Variants in NDUFAF7 observed in about 807,000 individuals in gnomAD.
The protein encoded by NDUFAF7 is NADH:ubiquinone oxidoreductase complex assembly factor 7, also known as protein arginine methyltransferase NDUFAF7, mitochondrial.
Under a neutral mutation model 47.2 loss-of-function variants are expected in NDUFAF7, and 48 were observed. The ratio of observed to expected loss-of-function variants is 1.02; its 90% CI spans 0.81 to 1.29. The LOEUF is 1.29. Ranked by LOEUF, NDUFAF7 falls within the 50% of genes most tolerant of loss-of-function variation. The pLI, the probability that NDUFAF7 is intolerant of heterozygous loss-of-function variation, is 0.00. For synonymous variants in NDUFAF7, 217 were observed against 190.0 expected (o/e 1.14, Z -1.17); for missense variants, 635 against 537.6 (o/e 1.18, Z -1.79).
At chr2:37,246,931 T>A (rs777876047) in intron 8 of NDUFAF7, among the ~76,000 whole-genome samples, 2 of 152,078 alleles carry the variant, frequency 1.3e-5, no homozygotes, top group Admixed American at 6.6e-5. Flanking sequence ...GAGGCAGGTT[T>A]GTTATTTGTT....
downstream of NDUFAF7, among the ~76,000 whole-genome samples, chr2:37,249,851 G>A (rs376531851): frequency 3.3e-5 from 5 of 152,136 alleles, no homozygotes; most frequent in East Asian, 7.8e-4. Context: ...TTCCCTTGAT[G>A]TCTTGAATTT....
intron 2 of NDUFAF7, among the ~76,000 whole-genome samples, chr2:37,234,214 C>T (rs529017743): frequency 6.6e-5 from 10 of 152,168 alleles, no homozygotes; most frequent in South Asian, 4.1e-4. Context: ...CTCAGCCTCC[C>T]GAGTAGTTGG....
chr2:37,237,677 T>A (rs1357584668), intron 3 of NDUFAF7, 80 bp from the exon 4 acceptor site: 26 of 1,135,428 alleles, frequency 2.3e-5, no homozygotes, highest in Non-Finnish European at 3.0e-5. Context: ...ATAGTGCATA[T>A]TTATGTGAAA....
chr2:37,261,143 A>G, the NDUFAF7 span, among the ~76,000 whole-genome samples: 1 of 152,208 alleles, frequency 6.6e-6, no homozygotes, highest in Non-Finnish European at 1.5e-5. Flanking sequence ...TTAATCTTAA[A>G]TATGTTCTAC....
chr2:37,267,294 A>G, the NDUFAF7 span: 13 of 531,498 alleles, frequency 2.4e-5, no homozygotes, highest in African/African-American at 2.4e-4. Context: ...ATAAAGCAAG[A>G]TATTGGCAGT....
At chr2:37,245,927 AC>A in intron 7 of NDUFAF7, 124 bp from the exon 8 acceptor site, 1 of 1,070,432 alleles carries the variant, frequency 9.3e-7, no homozygotes, top group Non-Finnish European at 1.4e-6. Context: ...TAGAGAACAT[AC>A]TCATATTAAG....
Position 37,237,744 on chromosome 2 carries a change from T to TC in NDUFAF7, c.298-10dup, listed in dbSNP as rs772359925. 19 of 1,519,758 alleles carry TC rather than the reference T, an allele frequency of 1.3e-5. No individual in the cohort carries two copies. Among genetic ancestry groups the TC allele is most frequent in the Admixed American group, 1.7e-5 (1 of 59,822 alleles). The allele number at this position is 1,519,758 out of a possible 1,614,324, so 94.1% of individuals were successfully genotyped here. On this transcript the variant is annotated splice_polypyrimidine_tract_variant and intron_variant, in intron 3 of 9. Transcript: ENST00000002125. ...AATACTTTAATATGTGTTTTTTTTT[T>TC]CCCTTTTCACAGCTACTAGGTATAT... is the stretch of plus-strand genomic sequence containing the variant.
At chr2:37,263,676 CTTTT>C in the NDUFAF7 span, among the ~76,000 whole-genome samples, 2 of 152,170 alleles carry the variant, frequency 1.3e-5, no homozygotes, top group South Asian at 2.1e-4. Context: ...CCTCAAATGG[CTTTT>C]TGTTTGGAGA....
chr2:37,253,404 C>G (rs533306878), downstream of NDUFAF7: 99 of 1,485,642 alleles, frequency 6.7e-5, 1 homozygote, highest in African/African-American at 1.1e-3. Flanking sequence ...ATACTGTCAA[C>G]CTGGTTTTTG....
chr2:37,248,130 T>C lies in NDUFAF7; in HGVS notation c.1111-5T>C, dbSNP rs189478053. 3.2e-3 allele frequency: 5,081 copies of C among 1,610,622 alleles called. 15 individuals carry two copies. Among genetic ancestry groups the C allele is most frequent in the Non-Finnish European group, 3.9e-3 (4,619 of 1,177,234 alleles). ...TATTTTTGCTAAGAATTTTTTTCTTTTCAGGTTCTTTTAGATAAATCAAAT... is the reference window on the plus strand; with the variant it reads ...TATTTTTGCTAAGAATTTTTTTCTTCTCAGGTTCTTTTAGATAAATCAAAT... On this transcript the variant is annotated splice_region_variant and splice_polypyrimidine_tract_variant and intron_variant, in intron 9 of 9. Coordinates refer to ENST00000002125, the MANE Select transcript of NDUFAF7 (RefSeq NM_144736.5).
chr2:37,253,687 A>G (rs950445247), downstream of NDUFAF7, among the ~76,000 whole-genome samples: 19 of 152,178 alleles, frequency 1.2e-4, no homozygotes, highest in Non-Finnish European at 2.5e-4. Flanking sequence ...AGTGGGGGAA[A>G]GTGCTTGGAT....
At chr2:37,253,386 GAAAC>G (rs1667667985), downstream of NDUFAF7, 2 of 1,546,210 alleles carry the variant, frequency 1.3e-6, no homozygotes, top group Admixed American at 3.7e-5. Context: ...TGAAACAAAA[GAAAC>G]AAAATACTGT....
In NDUFAF7 at chr2:37,231,692, C is replaced by G. The variant is rs778001541; in HGVS notation, c.-14C>G. 2 of 1,614,102 alleles carry G rather than the reference C, an allele frequency of 1.2e-6. No homozygotes were observed. The highest frequency in any genetic ancestry group is 2.2e-5 in the East Asian group (1 of 44,902). On this transcript the variant is annotated 5_prime_UTR_variant, in exon 1 of 10. Coordinates refer to ENST00000002125, the MANE Select transcript of NDUFAF7 (RefSeq NM_144736.5). ...CCAGCTCCTGGCGGAGCGAGCTAGCCTGCGAATTTCAGCATGAGTGTACTG... is the reference window on the plus strand; with the variant it reads ...CCAGCTCCTGGCGGAGCGAGCTAGCGTGCGAATTTCAGCATGAGTGTACTG...
intron 4 of NDUFAF7, among the ~76,000 whole-genome samples, chr2:37,239,520 G>T (rs974164682): frequency 3.3e-5 from 5 of 152,298 alleles, no homozygotes; most frequent in African/African-American, 1.2e-4. Context: ...ATACCCTAGA[G>T]AAACTAGTGT....
chr2:37,253,447 C>G, downstream of NDUFAF7: 1 of 1,023,300 alleles, frequency 9.8e-7, no homozygotes, highest in Non-Finnish European at 1.4e-6. Flanking sequence ...GTTTAGTGCC[C>G]TAGTCAAATA....
rs747497976 is a variant in NDUFAF7 at position 37,248,250 on chromosome 2, C to G, written c.1226C>G (p.Pro409Arg). 2 of 1,613,960 alleles carry G rather than the reference C, an allele frequency of 1.2e-6. No individual in the cohort carries two copies. The highest frequency in any genetic ancestry group is 2.2e-5 in the East Asian group (1 of 44,862). Residue 409 changes from proline to arginine, a missense_variant, in exon 10 of 10, where the codon CCT becomes CGT. Pro to Arg is a moderately radical substitution (Grantham distance 103). Coordinates refer to ENST00000002125, the MANE Select transcript of NDUFAF7 (RefSeq NM_144736.5). ...GERFNFFALL[P>R]HQRLQGGRYQ... ...AGATTTAACTTTTTTGCCTTGCTAC[C>G]TCATCAGAGACTTCAAGGTGGAAGA...
chr2:37,245,932 T>C, intron 7 of NDUFAF7, 120 bp from the exon 8 acceptor site: 1 of 1,125,802 alleles, frequency 8.9e-7, no homozygotes, highest in Non-Finnish European at 1.3e-6. Context: ...AACATACTCA[T>C]ATTAAGAATT....
downstream of NDUFAF7, among the ~76,000 whole-genome samples, chr2:37,255,516 T>C (rs1486251440): frequency 6.6e-6 from 1 of 152,140 alleles, no homozygotes; most frequent in African/African-American, 2.4e-5. Context: ...TTCAAAAGCC[T>C]TCACTAGGCA....
Position 37,248,418 on chromosome 2 carries a change from A to G in NDUFAF7, c.*68A>G, listed in dbSNP as rs892714663. On this transcript the variant is annotated 3_prime_UTR_variant, in exon 10 of 10. Transcript: ENST00000002125. ...TCAAAATAAAGGAAACACATTTCAT[A>G]TACTGCAGGTAACAAAAGTCAAAGT... 1.5e-5 allele frequency: 21 copies of G among 1,407,966 alleles called. No individual in the cohort carries two copies. The highest frequency in any genetic ancestry group is 2.0e-5 in the Non-Finnish European group (20 of 993,368). The allele number at this position is 1,407,966 out of a possible 1,614,324, so 87.2% of individuals were successfully genotyped here.
Sources: allele counts gnomAD v4.1 joint callset (sites outside exome capture counted in the v4.1 genomes callset), GRCh38; gene constraint gnomAD v4.1.1; transcripts MANE v1.5; gene names NCBI Gene and HGNC (gene_info 2026-07-23, HGNC 2026-07-21).